Variants in BPIFC observed in about 807,000 individuals in gnomAD.
BPIFC encodes the protein BPI fold-containing family C protein.
Under a neutral mutation model 57.6 loss-of-function variants are expected in BPIFC, and 60 were observed. The observed-to-expected ratio is 1.04, with a 90% CI of 0.85 to 1.29. The LOEUF is 1.29. BPIFC is among the 50% of genes most tolerant of loss of function. The probability of loss-of-function intolerance (pLI) is 0.00; values close to 1 mark genes in which losing one functional copy is unlikely to be tolerated. For synonymous variants in BPIFC, 243 were observed against 224.5 expected (o/e 1.08, Z -0.74); for missense variants, 581 against 600.5 (o/e 0.97, Z 0.34).
chr22:32,430,858 G>T (rs1934219353), intron 13 of BPIFC, among the ~76,000 whole-genome samples: 1 of 151,858 alleles, frequency 6.6e-6, no homozygotes, highest in Non-Finnish European at 1.5e-5. Context: ...GCCCAGGCTG[G>T]GCTCAAACTC....
intron 13 of BPIFC, among the ~76,000 whole-genome samples, chr22:32,430,104 C>A (rs568016681): frequency 2.6e-5 from 4 of 152,186 alleles, no homozygotes; most frequent in Non-Finnish European, 4.4e-5. Context: ...CTGTGGCCTG[C>A]ACATGGCCTT....
At chr22:32,436,475 GGAA>G (rs375063707) in intron 9 of BPIFC, among the ~76,000 whole-genome samples, 46 of 151,554 alleles carry the variant, frequency 3.0e-4, no homozygotes, top group East Asian at 1.7e-3. Flanking sequence ...AAAAAGAAGA[GGAA>G]GAAGAAGAAG....
intron 4 of BPIFC, among the ~76,000 whole-genome samples, chr22:32,450,185 G>A (rs920770241): frequency 6.6e-6 from 1 of 151,220 alleles, no homozygotes. Context: ...ATTATATACT[G>A]TATTTTTACT....
chr22:32,435,652 T>C (rs1934368925), intron 10 of BPIFC, 52 bp downstream of exon 10: 2 of 1,554,546 alleles, frequency 1.3e-6, no homozygotes, highest in Non-Finnish European at 1.7e-6. Context: ...AGGATACTTA[T>C]AAAAAGGCTG....
At chr22:32,441,861 A>G (rs1050777176) in intron 8 of BPIFC, among the ~76,000 whole-genome samples, 1 of 152,186 alleles carries the variant, frequency 6.6e-6, no homozygotes, top group Non-Finnish European at 1.5e-5. Context: ...TTTCGGGATG[A>G]AACTGTTTCA....
chr22:32,448,348 T>C (rs1335141948), intron 4 of BPIFC, among the ~76,000 whole-genome samples: 3 of 152,072 alleles, frequency 2.0e-5, no homozygotes, highest in Non-Finnish European at 4.4e-5. Flanking sequence ...GCTGGGATTA[T>C]AGGCGTGAGC....
chr22:32,426,841 A>G (rs1481384694), intron 13 of BPIFC, among the ~76,000 whole-genome samples: 1 of 151,854 alleles, frequency 6.6e-6, no homozygotes, highest in Admixed American at 6.6e-5. Context: ...CCAGTGAACC[A>G]AGATCGTGCC....
In BPIFC at chr22:32,453,447, C is replaced by T. The variant is rs991914010; in HGVS notation, c.181G>A (p.Asp61Asn). 1.9e-6 allele frequency: 3 copies of T among 1,606,442 alleles called. No homozygotes were observed. In the African/African-American group the frequency reaches 4.0e-5, roughly 22 times the overall value. Residue 61 changes from aspartate (D) to asparagine (N), a missense_variant, in exon 4 of 17, where the codon GAT (aspartate) becomes AAT (asparagine). Transcript: ENST00000300399. Reference sequence around the variant, plus strand: ...TCAAGAGACTCAGAACCGCTTAAATCTGGGAGTTTCTTTTCTTTTAGCATT... The same window carrying T: ...TCAAGAGACTCAGAACCGCTTAAATTTGGGAGTTTCTTTTCTTTTAGCATT... ...EQMLKEKKLP[D>N]LSGSESLEFL...
chr22:32,453,128 C>T (rs753886086), intron 4 of BPIFC, among the ~76,000 whole-genome samples: 35 of 152,174 alleles, frequency 2.3e-4, no homozygotes, highest in Non-Finnish European at 4.1e-4. Flanking sequence ...AAGACTGACT[C>T]AGCTTTTAAG....
In BPIFC at chr22:32,414,360, G is replaced by A. The variant is rs369700757; in HGVS notation, c.1467C>T (p.His489=). 3.6e-5 allele frequency: 58 copies of A among 1,613,888 alleles called. No homozygotes were observed. The highest frequency in any genetic ancestry group is 4.5e-5 in the East Asian group (2 of 44,894). ...ETSSKQQPSF[H]VWEGLNLISR... ...TTATCAGGTTCAGACCTTCCCATAC[G>A]TGGAAACTTGGCTGCTGCTTTGAGG... is the stretch of plus-strand genomic sequence containing the variant. Residue 489 remains histidine (H), a synonymous_variant, in exon 17 of 17, where the codon CAC becomes CAT. Transcript: ENST00000300399.
chr22:32,459,954 G>A (rs1311929509), intron 2 of BPIFC, among the ~76,000 whole-genome samples: 2 of 152,204 alleles, frequency 1.3e-5, no homozygotes, highest in Non-Finnish European at 2.9e-5. Context: ...TCAGAGATGA[G>A]TAGGATTCAG....
At position 32,424,574 on chromosome 22, in the gene BPIFC, TTTC is replaced by T. The variant is rs148930460; in HGVS notation, c.1218-5173_1218-5171del. Among the ~76,000 whole-genome samples the T allele has an allele frequency of 1.3e-3, 87 of 68,972 alleles. 10 individuals are homozygous for T. The highest frequency in any genetic ancestry group is 5.3e-3 in the South Asian group (13 of 2,474). 45.2% of individuals were successfully genotyped at this position (68,972 alleles called of 152,430 possible). The stretch of plus-strand genomic sequence containing the variant: ...TTCCTAAATCTTAAGTGTTATTTTC[TTTC>T]TTCTTCTTCTTCTTCTTCTTCTTCT... On this transcript the variant is annotated intron_variant, in intron 13 of 16. Coordinates refer to ENST00000300399, the MANE Select transcript of BPIFC (RefSeq NM_174932.3).
At chr22:32,459,217 C>G (rs1051704752) in intron 2 of BPIFC, among the ~76,000 whole-genome samples, 13 of 152,158 alleles carry the variant, frequency 8.5e-5, no homozygotes, top group African/African-American at 3.1e-4. Flanking sequence ...GGAAGGTGAC[C>G]TTGTGGATGT....
intron 14 of BPIFC, among the ~76,000 whole-genome samples, chr22:32,418,438 C>T (rs528077748): frequency 6.6e-6 from 1 of 152,230 alleles, no homozygotes; most frequent in South Asian, 2.1e-4. Flanking sequence ...CTGTCCTGTG[C>T]ACTGTGAATG....
chr22:32,455,050 C>CTTTTTTTTTTTTTTTT (rs1392514246), intron 3 of BPIFC, among the ~76,000 whole-genome samples: 3 of 134,148 alleles, frequency 2.2e-5, no homozygotes, highest in Non-Finnish European at 1.6e-5. Flanking sequence ...TTTTCATCTC[C>CTTTTTTTTTTTTTTTT]ATTTTTTTTT....
rs1934716213 is a variant in BPIFC at position 32,445,918 on chromosome 22, A to G, written c.453T>C (p.Phe151=). The change falls in exon 6 of 17, where the codon TTT becomes TTC. Residue 151 remains phenylalanine, a synonymous_variant. Transcript: ENST00000300399. ...TGIIILTRND[F]GHPTLKLQDC... ...CTTGGAGCTTCAGGGTAGGATGACC[A>G]AAGTCATTTCGGGTTAGGATAATGA... is the stretch of plus-strand genomic sequence containing the variant. The G allele has an allele frequency of 6.2e-7, 1 of 1,614,078 alleles. No individual in the cohort carries two copies. The highest frequency in any genetic ancestry group is 8.5e-7 in the Non-Finnish European group (1 of 1,180,002).
chr22:32,433,880 A>G, intron 10 of BPIFC, 108 bp from the exon 11 acceptor site: 1 of 938,524 alleles, frequency 1.1e-6, no homozygotes, highest in Non-Finnish European at 1.7e-6. Context: ...CTGTTACACC[A>G]TAAAATATTC....
intron 8 of BPIFC, among the ~76,000 whole-genome samples, chr22:32,441,012 AC>A (rs1934551266): frequency 6.6e-6 from 1 of 152,006 alleles, no homozygotes. Flanking sequence ...TAAGAGGTGG[AC>A]TTTGCAGTCC....
At chr22:32,448,876 G>A (rs1359606411) in intron 4 of BPIFC, among the ~76,000 whole-genome samples, 1 of 151,774 alleles carries the variant, frequency 6.6e-6, no homozygotes, top group Non-Finnish European at 1.5e-5. Context: ...AGTGGAGGCT[G>A]CAGTGAGCCG....
Sources: gnomAD v4.1 joint callset for allele counts (sites outside exome capture counted in the v4.1 genomes callset) on GRCh38, gnomAD v4.1.1 for gene constraint, MANE v1.5 for transcripts, NCBI Gene and HGNC (gene_info 2026-07-23, HGNC 2026-07-21) for gene names.